Variants in PPOX observed in about 807,000 individuals in gnomAD.
The protein encoded by PPOX is protoporphyrinogen oxidase, also known as variegate porphyria.
In PPOX, 23 loss-of-function variants were observed where a neutral mutation model predicts 54.1. That is an observed-to-expected ratio of 0.43 (90% CI 0.31 to 0.60). The LOEUF (loss-of-function observed/expected upper bound fraction) is 0.60, where lower values mean the gene tolerates loss of function less well. Among genes scored for constraint, PPOX ranks in the 20% least tolerant of loss-of-function variants. The probability of loss-of-function intolerance (pLI) is 0.13; values close to 1 mark genes in which losing one functional copy is unlikely to be tolerated. For synonymous variants in PPOX, 224 were observed against 236.1 expected, an observed-to-expected ratio of 0.95 and a Z score of 0.47; for missense variants, 512 against 601.1, an observed-to-expected ratio of 0.85 and a Z score of 1.55.
At chr1:161,173,549 T>TA, downstream of PPOX, 1 of 1,611,206 alleles carries the variant, frequency 6.2e-7, no homozygotes, top group Admixed American at 1.7e-5. Context: ...AAGGTGGTCT[T>TA]AGAGGACAGG....
At chr1:161,176,065 G>A, downstream of PPOX, 1 of 1,613,934 alleles carries the variant, frequency 6.2e-7, no homozygotes, top group Non-Finnish European at 8.5e-7. Flanking sequence ...CAACATCCTG[G>A]GGGTGAGATC....
chr1:161,174,768 A>G, downstream of PPOX: 6 of 540,894 alleles, frequency 1.1e-5, no homozygotes, highest in South Asian at 1.5e-4. Flanking sequence ...TTCAATAAAG[A>G]AAAAATCACA....
downstream of PPOX, chr1:161,172,331 C>G: frequency 6.2e-7 from 1 of 1,613,294 alleles, no homozygotes; most frequent in Non-Finnish European, 8.5e-7. Flanking sequence ...CCAGGCGCAC[C>G]CTATGGGAAA....
intron 2 of PPOX, 74 bp downstream of exon 2, chr1:161,167,008 C>G (rs1571328353): frequency 6.2e-7 from 1 of 1,610,834 alleles, no homozygotes; most frequent in African/African-American, 1.3e-5. Context: ...TAGATGGATC[C>G]TGGCCCTCTG....
chr1:161,167,440 T>C lies in PPOX; in HGVS notation c.292T>C (p.Phe98Leu), dbSNP rs555299774. 1.2e-5 allele frequency: 19 copies of C among 1,613,032 alleles called. No individual in the cohort carries two copies. Among genetic ancestry groups the C allele is most frequent in the Non-Finnish European group, 1.6e-5 (19 of 1,179,968 alleles). The change falls in exon 4 of 13, where the codon TTC (phenylalanine) becomes CTC (leucine). Residue 98 changes from phenylalanine to leucine, a missense_variant. Physicochemically the swap from Phe to Leu is conservative, Grantham distance 22. Transcript: ENST00000367999. ...RGDHPAAQNR[F>L]LYVGGALHAL... Reference sequence around the variant, plus strand: ...AGACCACCCAGCTGCCCAGAACAGGTTCCTCTACGTGGGCGGTGCCCTGCA... The same window carrying C: ...AGACCACCCAGCTGCCCAGAACAGGCTCCTCTACGTGGGCGGTGCCCTGCA...
downstream of PPOX, chr1:161,176,000 C>A: frequency 6.2e-7 from 1 of 1,614,112 alleles, no homozygotes; most frequent in Non-Finnish European, 8.5e-7. Flanking sequence ...ATCATGACAG[C>A]CAGCTGGGAG....
chr1:161,167,560 T>TTTTC, intron 4 of PPOX, 74 bp downstream of exon 4: 1 of 836,164 alleles, frequency 1.2e-6, no homozygotes, highest in Non-Finnish European at 1.6e-6. Flanking sequence ...TTCTTTTCTT[T>TTTTC]TTTTTTTTTT....
downstream of PPOX, chr1:161,175,212 C>A: frequency 6.2e-7 from 1 of 1,613,042 alleles, no homozygotes; most frequent in Non-Finnish European, 8.5e-7. Flanking sequence ...GGCTAAAGGA[C>A]ACCGACACAG....
At chr1:161,176,368 T>G (rs751390867) in intron 4 of PPOX, 6 of 480,086 alleles carry the variant, frequency 1.2e-5, no homozygotes, top group African/African-American at 1.9e-5. Flanking sequence ...TCAAATCTCA[T>G]GTTCATTTCA....
In PPOX at chr1:161,171,087, G is replaced by A. The variant is rs770255954; in HGVS notation, c.1345G>A (p.Ala449Thr). 1.2e-6 allele frequency: 2 copies of A among 1,614,174 alleles called. No homozygotes were observed. Among genetic ancestry groups the A allele is most frequent in the South Asian group, 2.2e-5 (2 of 91,090 alleles). Residue 449 changes from alanine to threonine, a missense_variant, in exon 13 of 13, where the codon GCC (alanine) becomes ACC (threonine). By Grantham distance (58) the Ala-to-Thr change is moderately conservative. Transcript: ENST00000367999. ...AHRLPLTLAGASYEGVAVNDC... is the reference protein window; with the variant it reads ...AHRLPLTLAGTSYEGVAVNDC... ...CAGGTTGCCCCTGACTCTGGCTGGA[G>A]CCTCCTATGAGGGAGTTGCTGTTAA...
chr1:161,172,961 G>C (rs745977203), downstream of PPOX, among the ~76,000 whole-genome samples: 10 of 151,952 alleles, frequency 6.6e-5, no homozygotes, highest in Non-Finnish European at 1.5e-4. Context: ...CTGACACACA[G>C]AAGCATGGAG....
rs1485065423 is a variant in PPOX at position 161,170,938 on chromosome 1, G to A, written c.1280G>A (p.Trp427Ter). ...ATTCCCCAGTATACACTAGGTCACT[G>A]GCAAAAACTAGGTAAGTTGGGAAAA... ...NCIPQYTLGHWQKLESARQFL... is the reference protein window; with the variant it reads ...NCIPQYTLGH Residue 427 changes from tryptophan (W) to a stop codon, truncating the protein, a stop_gained, in exon 12 of 13, where the codon TGG becomes TAG. Coordinates refer to ENST00000367999, the MANE Select transcript of PPOX (RefSeq NM_001122764.3). LOFTEE classifies it high-confidence loss of function. 6.2e-7 allele frequency: 1 copy of A among 1,614,064 alleles called. No homozygotes were observed. Among genetic ancestry groups the A allele is most frequent in the South Asian group, 1.1e-5 (1 of 91,076 alleles).
At chr1:161,168,342 T>TC (rs1475554224) in intron 5 of PPOX, 90 bp from the exon 6 acceptor site, 1 of 1,588,650 alleles carries the variant, frequency 6.3e-7, no homozygotes, top group Non-Finnish European at 8.6e-7. Context: ...CCAAACCCTA[T>TC]CCCACCCTCA....
chr1:161,170,320 G>GGGGGGGGCCCCC (rs1660783357), intron 9 of PPOX, 89 bp from the exon 10 acceptor site: 9 of 494,770 alleles, frequency 1.8e-5, no homozygotes, highest in African/African-American at 4.0e-5. Context: ...GTGAGACTCT[G>GGGGGGGGCCCCC]TCCCCCCCAC....
rs1390638910 is a variant in PPOX at position 161,168,467 on chromosome 1, A to G, written c.507A>G (p.Gly169=). ...ASLAMDSLCR[G]VFAGNSRELS... is the part of the protein sequence containing the mutation. ...TAGCCATGGACAGTCTCTGCCGTGG[A>G]GTGTTTGCAGGCAACAGCCGTGAGC... The change falls in exon 6 of 13, where the codon GGA becomes GGG. Residue 169 remains glycine, a synonymous_variant. Transcript: ENST00000367999. The G allele has an allele frequency of 6.2e-7, 1 of 1,614,024 alleles. No homozygotes were observed. The highest frequency in any genetic ancestry group is 1.1e-5 in the South Asian group (1 of 91,078).
In PPOX at chr1:161,166,472, G is replaced by A. The variant is rs1658931186; in HGVS notation, c.-209G>A. The A allele has an allele frequency of 7.2e-6, 9 of 1,246,322 alleles. No individual in the cohort carries two copies. Among genetic ancestry groups the A allele is most frequent in the Non-Finnish European group, 9.2e-6 (9 of 981,968 alleles). 77.2% of individuals were successfully genotyped at this position (1,246,322 alleles called of 1,614,324 possible). ...GAAAAGGCTGGGGGTGGGAGTAGCG[G>A]ATTTGAAGCACTTGTTGGCCTACAG... On this transcript the variant is annotated 5_prime_UTR_variant, in exon 1 of 13. Transcript: ENST00000367999.
At chr1:161,173,580 G>A (rs1662295877), downstream of PPOX, 2 of 1,613,128 alleles carry the variant, frequency 1.2e-6, no homozygotes, top group Non-Finnish European at 8.5e-7. Context: ...GGGGTCAGGA[G>A]GGAGGAAGTG....
chr1:161,177,935 G>A (rs1191216544), downstream of PPOX: 1 of 152,204 alleles, frequency 6.6e-6, no homozygotes. Flanking sequence ...GACCGCTCTA[G>A]CGCATTTTTG....
downstream of PPOX, among the ~76,000 whole-genome samples, chr1:161,173,279 AG>A (rs1459127306): frequency 6.6e-6 from 1 of 152,208 alleles, no homozygotes; most frequent in African/African-American, 2.4e-5. Context: ...CTAACCCCAT[AG>A]GAAGTGGCCT....
Sources: allele counts gnomAD v4.1 joint callset (sites outside exome capture counted in the v4.1 genomes callset), GRCh38; gene constraint gnomAD v4.1.1; transcripts MANE v1.5; gene names NCBI Gene and HGNC (gene_info 2026-07-23, HGNC 2026-07-21).